The following WSCD2 variants were observed in gnomAD, a reference collection of about 807,000 sequenced individuals.
WSCD2 encodes WSC domain sialate O sulfotransferase 2, also known as sialate:O-sulfotransferase 2.
A neutral mutation model predicts 55.7 loss-of-function variants in WSCD2; 28 were observed. The observed-to-expected ratio is 0.50, with a 90% confidence interval of 0.37 to 0.69. The LOEUF (loss-of-function observed/expected upper bound fraction) is 0.69. Ranked by LOEUF, WSCD2 falls within the 30% of genes least tolerant of loss-of-function variation. The probability of loss-of-function intolerance (pLI) is 0.00; values close to 1 mark genes in which losing one functional copy is unlikely to be tolerated. For synonymous variants in WSCD2, 301 were observed against 301.9 expected, an observed-to-expected ratio of 1.00 and a Z score of 0.03; for missense variants, 616 against 762.1, an observed-to-expected ratio of 0.81 and a Z score of 2.26.
At chr12:108,236,774 C>T (rs902375248) in intron 7 of WSCD2, among the ~76,000 whole-genome samples, 1 of 152,110 alleles carries the variant, frequency 6.6e-6, no homozygotes, top group African/African-American at 2.4e-5. Flanking sequence ...CTGCCTTCTC[C>T]CCGACTTTGT....
intron 1 of WSCD2, among the ~76,000 whole-genome samples, chr12:108,185,838 C>T (rs1882414652): frequency 6.6e-6 from 1 of 152,184 alleles, no homozygotes; most frequent in Non-Finnish European, 1.5e-5. Context: ...TGCAAATGTG[C>T]ACTAATTGAC....
intron 4 of WSCD2, among the ~76,000 whole-genome samples, chr12:108,220,731 T>G (rs1285128516): frequency 6.6e-6 from 1 of 152,040 alleles, no homozygotes; most frequent in Non-Finnish European, 1.5e-5. Context: ...AGAGATAGGG[T>G]CTTGCTGTGT....
rs112313899 is a variant in WSCD2 at position 108,227,727 on chromosome 12, G to GTGATGATGATGATGA, written c.979+575_979+589dup. Among the ~76,000 whole-genome samples the GTGATGATGATGATGA allele has an allele frequency of 1.8e-3, 268 of 150,468 alleles. 3 individuals carry two copies. Among genetic ancestry groups the GTGATGATGATGATGA allele is most frequent in the African/African-American group, 6.4e-3 (261 of 40,956 alleles). ...GCTACCAGACATGATGATAATGATG[G>GTGATGATGATGATGA]TGATGATGATGATGATGATGATGAT... On this transcript the variant is annotated intron_variant, in intron 6 of 8. Transcript: ENST00000547525.
intron 1 of WSCD2, among the ~76,000 whole-genome samples, chr12:108,144,776 G>T (rs901831014): frequency 6.6e-6 from 1 of 152,130 alleles, no homozygotes; most frequent in Non-Finnish European, 1.5e-5. Flanking sequence ...TCCATACCAG[G>T]CCCTTTCCCA....
chr12:108,201,087 C>A (rs573899668), intron 2 of WSCD2, among the ~76,000 whole-genome samples: 37 of 152,348 alleles, frequency 2.4e-4, no homozygotes, highest in African/African-American at 8.7e-4. Context: ...TTAGCTTTCT[C>A]AGGCTGCTAT....
intron 1 of WSCD2, among the ~76,000 whole-genome samples, chr12:108,142,194 T>C (rs1233626063): frequency 6.6e-6 from 1 of 152,240 alleles, no homozygotes; most frequent in Non-Finnish European, 1.5e-5. Flanking sequence ...ATCCCAGCTG[T>C]GTTTTGATAA....
intron 8 of WSCD2, among the ~76,000 whole-genome samples, chr12:108,247,679 CTGAG>C (rs1566002161): frequency 6.6e-6 from 1 of 152,190 alleles, no homozygotes; most frequent in Non-Finnish European, 1.5e-5. Context: ...CCTCAGCCTC[CTGAG>C]TAACAAGGAC....
At chr12:108,193,233 T>C (rs561636161) in intron 1 of WSCD2, among the ~76,000 whole-genome samples, 3 of 152,382 alleles carry the variant, frequency 2.0e-5, no homozygotes, top group Admixed American at 2.0e-4. Flanking sequence ...TTAACTATAA[T>C]ATTGATTGCT....
chr12:108,154,494 C>T (rs1205636663), intron 1 of WSCD2, among the ~76,000 whole-genome samples: 1 of 152,194 alleles, frequency 6.6e-6, no homozygotes, highest in African/African-American at 2.4e-5. Flanking sequence ...TGAGATAATC[C>T]AGGATAATCT....
intron 7 of WSCD2, among the ~76,000 whole-genome samples, chr12:108,235,269 C>T (rs919390248): frequency 2.6e-5 from 4 of 152,146 alleles, no homozygotes; most frequent in Non-Finnish European, 5.9e-5. Flanking sequence ...GTAAAATAGA[C>T]ATTTTTTAAA....
intron 1 of WSCD2, among the ~76,000 whole-genome samples, chr12:108,190,790 TG>T (rs976649871): frequency 2.6e-5 from 4 of 152,058 alleles, no homozygotes; most frequent in Admixed American, 6.5e-5. Flanking sequence ...ATGCCAGCCC[TG>T]GGGGGGAGGC....
intron 6 of WSCD2, among the ~76,000 whole-genome samples, chr12:108,227,727 G>GTGATAA (rs1555241208): frequency 0.02 from 2,977 of 150,458 alleles, 109 homozygotes; most frequent in African/African-American, 0.07. Flanking sequence ...GATAATGATG[G>GTGATAA]TGATGATGAT....
At chr12:108,138,576 A>G (rs1876462528) in intron 1 of WSCD2, among the ~76,000 whole-genome samples, 1 of 152,222 alleles carries the variant, frequency 6.6e-6, no homozygotes, top group South Asian at 2.1e-4. Context: ...GTACTCAACA[A>G]TGGTCATCTT....
intron 1 of WSCD2, among the ~76,000 whole-genome samples, chr12:108,145,328 C>T (rs1382578638): frequency 2.6e-5 from 4 of 152,220 alleles, no homozygotes; most frequent in African/African-American, 9.7e-5. Context: ...CCACAGCATT[C>T]CTTAAGGCTT....
At chr12:108,130,620 T>G (rs1875405795) in intron 1 of WSCD2, among the ~76,000 whole-genome samples, 1 of 151,888 alleles carries the variant, frequency 6.6e-6, no homozygotes, top group African/African-American at 2.4e-5. Flanking sequence ...AAGAGCCAAC[T>G]CACCTCCTTG....
Position 108,248,133 on chromosome 12 carries a change from C to G in WSCD2, c.1488C>G (p.Ser496Arg). Residue 496 changes from serine to arginine, a missense_variant, in exon 9 of 9, where the codon AGC becomes AGG. By Grantham distance (110) the Ser-to-Arg change is moderately radical. Coordinates refer to ENST00000547525, the MANE Select transcript of WSCD2 (RefSeq NM_014653.4). The surrounding 1 kb of genome is among the most constrained non-coding windows in gnomAD (Gnocchi z 4.3). ...TTGTCCAGCTGGGCCGGATGGTCAG[C>G]CTGCTGGGCGTGGCTGTCAGGGAGG... ...DLFVQLGRMV[S>R]LLGVAVREDR... The G allele has an allele frequency of 2.5e-6, 4 of 1,614,234 alleles. No homozygotes were observed. Among genetic ancestry groups the G allele is most frequent in the Non-Finnish European group, 3.4e-6 (4 of 1,180,042 alleles).
chr12:108,209,952 G>A (rs747723857), intron 3 of WSCD2, among the ~76,000 whole-genome samples, 169 bp from the exon 4 acceptor site: 4 of 151,904 alleles, frequency 2.6e-5, no homozygotes, highest in Non-Finnish European at 4.4e-5. Flanking sequence ...GGTCTCTCCT[G>A]TCCCCTGGGG....
chr12:108,168,970 A>G (rs1322285282), intron 1 of WSCD2, among the ~76,000 whole-genome samples: 1 of 152,240 alleles, frequency 6.6e-6, no homozygotes, highest in Non-Finnish European at 1.5e-5. Flanking sequence ...AAATATCATC[A>G]GTATTTACAG....
chr12:108,248,396 G>A lies in WSCD2; in HGVS notation c.*53G>A. The stretch of plus-strand genomic sequence containing the variant: ...GGGAGTCCTGACCACGCAGGCCCTG[G>A]GGACTCAAGACCCCTGGTTACCCCC... On this transcript the variant is annotated 3_prime_UTR_variant, in exon 9 of 9. Transcript: ENST00000547525. This position sits in a 1 kb window ranked among gnomAD's most constrained non-coding sequence, Gnocchi z 4.3. 3 of 1,562,070 alleles carry A rather than the reference G, an allele frequency of 1.9e-6. No individual in the cohort carries two copies. Among genetic ancestry groups the A allele is most frequent in the Non-Finnish European group, 2.6e-6 (3 of 1,151,870 alleles).
Sources: allele counts gnomAD v4.1 joint callset (sites outside exome capture counted in the v4.1 genomes callset), GRCh38; gene constraint gnomAD v4.1.1; non-coding constraint Gnocchi (gnomAD v3.1); transcripts MANE v1.5; gene names NCBI Gene and HGNC (gene_info 2026-07-23, HGNC 2026-07-21).